Variants in CPVL observed in about 807,000 individuals in gnomAD.
CPVL encodes carboxypeptidase vitellogenic like.
A neutral mutation model predicts 63.7 loss-of-function variants in CPVL; 51 were observed. The observed-to-expected ratio is 0.80, with a 90% CI of 0.64 to 1.01. The LOEUF (loss-of-function observed/expected upper bound fraction) is 1.01. CPVL is among the 50% of genes least tolerant of loss of function. The pLI is 0.00. For missense variants in CPVL, 530 were observed against 573.1 expected (o/e 0.92, Z 0.77); for synonymous variants, 195 against 206.0 (o/e 0.95, Z 0.46).
intron 7 of CPVL, among the ~76,000 whole-genome samples, chr7:29,077,325 C>CA (rs1460014580): frequency 6.6e-6 from 1 of 152,126 alleles, no homozygotes. Context: ...TACACTTATA[C>CA]ACTCATTCTC....
intron 12 of CPVL, among the ~76,000 whole-genome samples, chr7:29,020,055 C>T (rs924821627): frequency 2.6e-5 from 4 of 152,162 alleles, no homozygotes; most frequent in South Asian, 2.1e-4. Context: ...TTCTGACTGG[C>T]GGCCAATTCC....
At chr7:29,086,688 G>A in intron 6 of CPVL, 138 bp from the exon 7 acceptor site, 1 of 657,090 alleles carries the variant, frequency 1.5e-6, no homozygotes, top group East Asian at 2.7e-5. Context: ...ATGAGCTCCT[G>A]TAGGACATTT....
At chr7:29,046,067 T>C (rs886990812) in intron 11 of CPVL, among the ~76,000 whole-genome samples, 1 of 151,952 alleles carries the variant, frequency 6.6e-6, no homozygotes, top group African/African-American at 2.4e-5. Flanking sequence ...ATATTTACCA[T>C]TTCCTGACTA....
At chr7:29,020,384 C>T (rs754760522) in intron 12 of CPVL, among the ~76,000 whole-genome samples, 7 of 152,024 alleles carry the variant, frequency 4.6e-5, no homozygotes, top group African/African-American at 7.2e-5. Flanking sequence ...TCCAACTTTC[C>T]CTTATATGTT....
At chr7:29,094,023 A>G (rs934245142) in intron 5 of CPVL, among the ~76,000 whole-genome samples, 4 of 152,222 alleles carry the variant, frequency 2.6e-5, no homozygotes, top group Non-Finnish European at 4.4e-5. Flanking sequence ...TTTTGTCCAG[A>G]GATGAAGCAT....
chr7:29,161,862 A>G (rs1371966377), intron 5 of CPVL, among the ~76,000 whole-genome samples: 2 of 152,346 alleles, frequency 1.3e-5, no homozygotes, highest in Admixed American at 1.3e-4. Context: ...AATGGGCCAA[A>G]GAGTTGAACA....
chr7:29,114,710 G>A (rs1562776170), intron 2 of CPVL, among the ~76,000 whole-genome samples: 1 of 152,030 alleles, frequency 6.6e-6, no homozygotes, highest in Non-Finnish European at 1.5e-5. Context: ...GCTGATCCTA[G>A]TGCTCCTATA....
chr7:29,073,517 G>A (rs891521783), intron 7 of CPVL, among the ~76,000 whole-genome samples: 11 of 151,928 alleles, frequency 7.2e-5, no homozygotes, highest in Non-Finnish European at 1.3e-4. Flanking sequence ...CCACCCTCTC[G>A]CTCATTCCTT....
Position 29,042,633 on chromosome 7 carries a change from C to CA in CPVL, c.1138-11875dup, listed in dbSNP as rs201094825. On this transcript the variant is annotated intron_variant, in intron 11 of 12. Coordinates refer to ENST00000265394, the MANE Select transcript of CPVL (RefSeq NM_031311.5). Reference sequence around the variant, plus strand: ...CAAAACAAAACAACAAAAGAAAAAACAAAAAATAATAGTACCACTAGTAAT... The same window carrying CA: ...CAAAACAAAACAACAAAAGAAAAAACAAAAAAATAATAGTACCACTAGTAAT... 5.3e-3 allele frequency among the ~76,000 whole-genome samples: 806 copies of CA among 151,900 alleles called. 12 individuals are homozygous for CA. Among genetic ancestry groups the CA allele is most frequent in the African/African-American group, 0.017 (725 of 41,460 alleles).
At chr7:29,087,208 G>A (rs4722886) in intron 6 of CPVL, among the ~76,000 whole-genome samples, 40,290 of 151,898 alleles carry the variant, frequency 0.27, 6,194 homozygotes, top group East Asian at 0.6. Flanking sequence ...GGCGGATAAC[G>A]AGGTCAGGAG....
intron 10 of CPVL, among the ~76,000 whole-genome samples, chr7:29,064,436 AC>A (rs1178018537): frequency 1.3e-5 from 2 of 152,174 alleles, no homozygotes; most frequent in African/African-American, 4.8e-5. Context: ...AATCTGAAAT[AC>A]CCTTAAAATA....
intron 1 of CPVL, among the ~76,000 whole-genome samples, chr7:29,136,649 T>C (rs1436582180): frequency 2.0e-5 from 3 of 152,216 alleles, no homozygotes; most frequent in African/African-American, 7.2e-5. Context: ...GTCTCAGAGA[T>C]AAGAGAAGGA....
chr7:29,148,779 G>T (rs1169299013), upstream of CPVL: 1 of 152,180 alleles, frequency 6.6e-6, no homozygotes, highest in African/African-American at 2.4e-5. Flanking sequence ...TTTAGTTGTG[G>T]GGAAGGGATG....
At chr7:29,106,837 C>T (rs1392921796) in intron 3 of CPVL, among the ~76,000 whole-genome samples, 2 of 152,196 alleles carry the variant, frequency 1.3e-5, no homozygotes, top group African/African-American at 2.4e-5. Context: ...TGCCGCACAA[C>T]ATCTCTCCAA....
chr7:29,020,409 A>C (rs551579382), intron 12 of CPVL, among the ~76,000 whole-genome samples: 1 of 149,848 alleles, frequency 6.7e-6, no homozygotes, highest in Non-Finnish European at 1.5e-5. Flanking sequence ...TTCAATAAAC[A>C]TATTTTCCTG....
intron 12 of CPVL, among the ~76,000 whole-genome samples, chr7:29,025,210 C>A (rs754594059): frequency 6.7e-6 from 1 of 149,986 alleles, no homozygotes; most frequent in Non-Finnish European, 1.5e-5. Context: ...ATACCTGAGG[C>A]TGGGTAATTT....
rs761586784 is a variant in CPVL at position 29,092,667 on chromosome 7, G to A, written c.498C>T (p.His166=). 48 of 1,613,716 alleles carry A rather than the reference G, an allele frequency of 3.0e-5. No individual in the cohort carries two copies. Among genetic ancestry groups the A allele is most frequent in the Middle Eastern group, 1.6e-4 (1 of 6,084 alleles). ...GTGFSFTDDT[H]GYAVNEDDVA... ...CATCGTCCTCATTGACTGCATATCC[G>A]TGGGTATCATCAGTAAAACTGAAGC... Residue 166 remains histidine (H), a synonymous_variant, in exon 6 of 13, where the codon CAC becomes CAT. Transcript: ENST00000265394.
intron 11 of CPVL, among the ~76,000 whole-genome samples, chr7:29,044,440 C>T (rs1350390716): frequency 1.3e-5 from 2 of 152,022 alleles, no homozygotes; most frequent in African/African-American, 2.4e-5. Context: ...TAAAAAGAGT[C>T]AGCAAAGCTT....
At chr7:29,069,698 A>T (rs568352277) in intron 9 of CPVL, among the ~76,000 whole-genome samples, 19 of 152,010 alleles carry the variant, frequency 1.2e-4, no homozygotes, top group South Asian at 1.0e-3. Context: ...AGCCTGCCAC[A>T]ATCTATTTGT....
Sources: allele counts gnomAD v4.1 joint callset (sites outside exome capture counted in the v4.1 genomes callset), GRCh38; gene constraint gnomAD v4.1.1; transcripts MANE v1.5; gene names NCBI Gene and HGNC (gene_info 2026-07-23, HGNC 2026-07-21).